The following HPSE2 variants were observed in gnomAD, a reference collection of about 807,000 sequenced individuals.
HPSE2 encodes inactive heparanase-2.
In HPSE2, 38 loss-of-function variants were observed where a neutral mutation model predicts 60.5. That is an observed-to-expected ratio of 0.63 (90% CI 0.48 to 0.82). The LOEUF is 0.82. Among genes scored for constraint, HPSE2 ranks in the 40% least tolerant of loss-of-function variants. HPSE2 has a pLI of 0.00. For missense variants in HPSE2, 713 were observed against 740.4 expected, an observed-to-expected ratio of 0.96 and a Z score of 0.43; for synonymous variants, 295 against 293.2, an observed-to-expected ratio of 1.01 and a Z score of -0.06.
Position 98,743,908 on chromosome 10 carries a change from G to A in HPSE2, c.759C>T (p.Tyr253=), listed in dbSNP as rs763216066. 2 of 1,613,980 alleles carry A rather than the reference G, an allele frequency of 1.2e-6. No homozygotes were observed. The highest frequency in any genetic ancestry group is 1.7e-6 in the Non-Finnish European group (2 of 1,179,874). Residue 253 remains tyrosine, a synonymous_variant, in exon 4 of 12, where the codon TAC becomes TAT. Coordinates refer to ENST00000370552, the MANE Select transcript of HPSE2 (RefSeq NM_021828.5). ...SLLKYSASKK[Y]NISWELGNEP... ...CATTACCCAGTTCCCAAGAAATGTT[G>A]TACTTTTTGCTGGCGCTGTACTTCA...
At chr10:99,289,653 AT>A in the HPSE2 span, among the ~76,000 whole-genome samples, 2 of 152,130 alleles carry the variant, frequency 1.3e-5, no homozygotes, top group East Asian at 1.9e-4. Flanking sequence ...TAAAGTAGTT[AT>A]TTTCTTTTTC....
intron 9 of HPSE2, among the ~76,000 whole-genome samples, chr10:98,548,600 G>C (rs550819280): frequency 5.3e-4 from 78 of 147,952 alleles, no homozygotes; most frequent in East Asian, 3.6e-3. Context: ...CTGGGCAACA[G>C]AGTGAGACTC....
At chr10:99,214,003 CAAT>C (rs1316907179) in intron 2 of HPSE2, among the ~76,000 whole-genome samples, 3 of 151,898 alleles carry the variant, frequency 2.0e-5, no homozygotes, top group Non-Finnish European at 2.9e-5. Context: ...TCTTACAACT[CAAT>C]AATAAAAAGA....
intron 9 of HPSE2, among the ~76,000 whole-genome samples, chr10:98,566,459 C>A (rs559176418): frequency 8.5e-5 from 13 of 152,288 alleles, no homozygotes; most frequent in African/African-American, 2.6e-4. Context: ...GATGGAGAAC[C>A]TTTCTAGTGG....
chr10:98,493,330 G>T (rs902155347), intron 9 of HPSE2, among the ~76,000 whole-genome samples: 1 of 152,118 alleles, frequency 6.6e-6, no homozygotes, highest in Non-Finnish European at 1.5e-5. Flanking sequence ...GGTTTATTAT[G>T]TTGTTTAACT....
At chr10:99,296,424 T>C in the HPSE2 span, among the ~76,000 whole-genome samples, 1 of 152,170 alleles carries the variant, frequency 6.6e-6, no homozygotes, top group Non-Finnish European at 1.5e-5. Context: ...TCTGCGGAAA[T>C]GACTCAATGA....
At chr10:98,541,839 C>T (rs1943475353) in intron 9 of HPSE2, among the ~76,000 whole-genome samples, 1 of 152,240 alleles carries the variant, frequency 6.6e-6, no homozygotes, top group South Asian at 2.1e-4. Flanking sequence ...GTGGAGCCCA[C>T]CACAGCTCAA....
intron 3 of HPSE2, among the ~76,000 whole-genome samples, chr10:98,811,220 G>A (rs1044472829): frequency 2.6e-5 from 4 of 152,078 alleles, no homozygotes; most frequent in African/African-American, 9.7e-5. Context: ...AAGACTTGAA[G>A]CCTAGTTTAA....
chr10:99,017,852 A>G (rs1007936498), intron 3 of HPSE2, among the ~76,000 whole-genome samples: 1 of 152,164 alleles, frequency 6.6e-6, no homozygotes, highest in Non-Finnish European at 1.5e-5. Flanking sequence ...TTGAACACCT[A>G]CTTCATGCCA....
intron 3 of HPSE2, among the ~76,000 whole-genome samples, chr10:98,868,588 C>G (rs1385176726): frequency 6.6e-6 from 1 of 152,108 alleles, no homozygotes; most frequent in Non-Finnish European, 1.5e-5. Flanking sequence ...GATTGCATGC[C>G]TGTACCAAAA....
intron 3 of HPSE2, 66 bp downstream of exon 3, chr10:99,144,172 G>A: frequency 6.8e-7 from 1 of 1,461,940 alleles, no homozygotes. Flanking sequence ...ACAGACAGAT[G>A]TGTACCCCAA....
At chr10:99,032,439 T>A (rs1957518745) in intron 3 of HPSE2, among the ~76,000 whole-genome samples, 1 of 152,158 alleles carries the variant, frequency 6.6e-6, no homozygotes, top group African/African-American at 2.4e-5. Flanking sequence ...TCCACTGAAG[T>A]AACCCAGGAT....
chr10:99,069,432 T>C (rs1842717391), intron 3 of HPSE2, among the ~76,000 whole-genome samples: 1 of 152,058 alleles, frequency 6.6e-6, no homozygotes, highest in African/African-American at 2.4e-5. Flanking sequence ...TAAATTACTG[T>C]ATAGATTTTG....
intron 3 of HPSE2, among the ~76,000 whole-genome samples, chr10:99,059,720 A>C (rs1338048226): frequency 6.6e-6 from 1 of 152,188 alleles, no homozygotes; most frequent in Non-Finnish European, 1.5e-5. Flanking sequence ...ACACAAGAGC[A>C]GCACAAAATT....
the HPSE2 span, among the ~76,000 whole-genome samples, chr10:99,273,598 T>C: frequency 6.6e-6 from 1 of 152,088 alleles, no homozygotes; most frequent in African/African-American, 2.4e-5. Context: ...GTCCAAGACA[T>C]AAACCAACCC....
intron 3 of HPSE2, among the ~76,000 whole-genome samples, chr10:98,923,685 G>A (rs1159332378): frequency 6.6e-6 from 1 of 151,736 alleles, no homozygotes; most frequent in Non-Finnish European, 1.5e-5. Flanking sequence ...GCTATTAAGA[G>A]ACTCTGATAA....
At chr10:99,061,581 C>G (rs576645831) in intron 3 of HPSE2, among the ~76,000 whole-genome samples, 10 of 152,208 alleles carry the variant, frequency 6.6e-5, no homozygotes, top group Middle Eastern at 3.4e-3. Context: ...AGTAGATGTC[C>G]TGGAATATAA....
At chr10:98,805,605 TTAATGA>T in intron 3 of HPSE2, among the ~76,000 whole-genome samples, 1 of 152,094 alleles carries the variant, frequency 6.6e-6, no homozygotes, top group Non-Finnish European at 1.5e-5. Flanking sequence ...ATTTGCACTG[TTAATGA>T]TAAGAAATAA....
chr10:99,221,783 G>A (rs1849321620), intron 2 of HPSE2, among the ~76,000 whole-genome samples: 1 of 152,100 alleles, frequency 6.6e-6, no homozygotes, highest in Admixed American at 6.5e-5. Flanking sequence ...ATAAACTTAG[G>A]TTCCTACAGG....
Sources: allele counts gnomAD v4.1 joint callset (sites outside exome capture counted in the v4.1 genomes callset), GRCh38; gene constraint gnomAD v4.1.1; transcripts MANE v1.5; gene names NCBI Gene and HGNC (gene_info 2026-07-23, HGNC 2026-07-21).